FASN: variants seen among roughly 807,000 people sequenced by gnomAD.
FASN encodes the protein 3-hydroxyacyl-[acyl-carrier-protein] dehydratase.
In FASN, 50 loss-of-function variants were observed where a neutral mutation model predicts 250.0. The ratio of observed to expected loss-of-function variants is 0.20; its 90% CI spans 0.16 to 0.25. The LOEUF is 0.25. Among genes scored for constraint, FASN ranks in the 10% least tolerant of loss-of-function variants. FASN has a pLI of 1.00. For missense variants in FASN, 3,031 were observed against 3,498.5 expected (o/e 0.87, Z 3.37); for synonymous variants, 1,909 against 1,584.0 (o/e 1.21, Z -4.87).
chr17:82,093,463 C>T (rs775760756), intron 4 of FASN, 44 bp from the exon 5 acceptor site: 21 of 1,580,698 alleles, frequency 1.3e-5, no homozygotes, highest in Non-Finnish European at 1.6e-5. Flanking sequence ...TGTGAGCACA[C>T]GAGACCCCTG....
At chr17:82,090,626 C>T (rs2034188176) in intron 10 of FASN, 62 bp from the exon 11 acceptor site, 13 of 1,467,712 alleles carry the variant, frequency 8.9e-6, no homozygotes, top group Non-Finnish European at 1.2e-5. Flanking sequence ...TGGGGGCGGC[C>T]CCCGGCCCCA....
In FASN at chr17:82,089,393, C is replaced by G. The variant is rs1175851683; in HGVS notation, c.1966-9G>C. 2 of 1,612,648 alleles carry G rather than the reference C, an allele frequency of 1.2e-6. No homozygotes were observed. The highest frequency in any genetic ancestry group is 8.5e-7 in the Non-Finnish European group (1 of 1,179,998). On this transcript the variant is annotated splice_polypyrimidine_tract_variant and intron_variant, in intron 12 of 42. Transcript: ENST00000306749. ...AACTCAAACACCGGGGCCTGGACATCGTGGGAGCCTGGATAAGCATCCTGG... is the reference window on the plus strand; with the variant it reads ...AACTCAAACACCGGGGCCTGGACATGGTGGGAGCCTGGATAAGCATCCTGG...
rs150698814 is a variant in FASN at position 82,085,882 on chromosome 17, T to C, written c.3733-11A>G. ...GTGGCCAGCCAGCACCTGTAGGGGG[T>C]GAATTCTGGAATCAGCCCCACACCA... is the stretch of plus-strand genomic sequence containing the variant. On this transcript the variant is annotated splice_polypyrimidine_tract_variant and intron_variant, in intron 22 of 42. Transcript: ENST00000306749. 2 of 1,524,512 alleles carry C rather than the reference T, an allele frequency of 1.3e-6. No individual in the cohort carries two copies. Among genetic ancestry groups the C allele is most frequent in the Admixed American group, 3.9e-5 (2 of 51,076 alleles). 94.4% of individuals were successfully genotyped at this position (1,524,512 alleles called of 1,614,324 possible).
rs2034061491 is a variant in FASN, at chr17:82,084,877, CCTT to C, written c.4483_4485del (p.Lys1495del). On this transcript the variant is annotated inframe_deletion, in exon 26 of 43. Coordinates refer to ENST00000306749, the MANE Select transcript of FASN (RefSeq NM_004104.5). ...TTCATCACCAGGTCTCCCTGCAACACCTTCTGCAGTTCTGCGGAGCCCGGGTCC... is the reference window on the plus strand; with the variant it reads ...TTCATCACCAGGTCTCCCTGCAACACCTGCAGTTCTGCGGAGCCCGGGTCC... 6.4e-7 allele frequency: 1 copy of C among 1,550,714 alleles called. No individual in the cohort carries two copies.
chr17:82,087,191 C>G lies in FASN; in HGVS notation c.3286G>C (p.Gly1096Arg), dbSNP rs62642478. The G allele has an allele frequency of 1.0e-4, 166 of 1,607,608 alleles. No homozygotes were observed. In the African/African-American group the frequency reaches 2.0e-3, roughly 19 times the overall value. Residue 1096 changes from glycine to arginine, a missense_variant, in exon 21 of 43, where the codon GGG becomes CGG. By Grantham distance (125) the Gly-to-Arg change is moderately radical. Transcript: ENST00000306749. ...CGCGGGGCCGACTCAGTGTGGAGCC[C>G]GGAGATGTGGACGCCTCCGGCCACT... ...VTVAGGVHIS[G>R]LHTESAPRRQ... is the part of the protein sequence containing the mutation.
chr17:82,097,631 C>T (rs1176805620), intron 1 of FASN: 1 of 152,158 alleles, frequency 6.6e-6, no homozygotes, highest in Non-Finnish European at 1.5e-5. Context: ...CCCTTCGCCC[C>T]GGGCGGGGGC....
rs774233186 is a variant in FASN at position 82,080,856 on chromosome 17, G to A, written c.6662C>T (p.Ser2221Phe). 6 of 1,611,578 alleles carry A rather than the reference G, an allele frequency of 3.7e-6. No homozygotes were observed. Among genetic ancestry groups the A allele is most frequent in the Non-Finnish European group, 5.1e-6 (6 of 1,179,620 alleles). ...AQQQTQLNLR[S>F]LLVNPEGPTL... ...GGGGCCCTCCGGGTTCACCAGCAGG[G>A]AGCGCAGGTTCAGCTGAGTCTGCTG... Residue 2221 changes from serine to phenylalanine, a missense_variant, in exon 39 of 43, where the codon TCC becomes TTC. Ser to Phe is a radical substitution (Grantham distance 155). Transcript: ENST00000306749.
Position 82,098,111 on chromosome 17 carries a change from C to G in FASN, c.-8+10G>C, listed in dbSNP as rs2034334826. The G allele has an allele frequency of 1.8e-5, 6 of 338,594 alleles. No individual in the cohort carries two copies. The Admixed American group carries it at 2.4e-4, about 14-fold the overall frequency. 21.0% of individuals were successfully genotyped at this position (338,594 alleles called of 1,614,324 possible). ...ACCCGCGCCCCGGCCCCAGCGCCGG[C>G]TGCTCGTACCTGGTGAGGGCGCGGG... On this transcript the variant is annotated intron_variant, in intron 1 of 42. Transcript: ENST00000306749.
intron 19 of FASN, 41 bp from the exon 20 acceptor site, chr17:82,087,545 C>T (rs2034127414): frequency 1.9e-6 from 3 of 1,608,898 alleles, no homozygotes; most frequent in Non-Finnish European, 8.5e-7. Context: ...ACTCCCAGGT[C>T]CCTGGGGCCA....
At chr17:82,082,286 C>A (rs1292690631) in intron 35 of FASN, 37 bp downstream of exon 35, 2 of 1,609,958 alleles carry the variant, frequency 1.2e-6, no homozygotes, top group Non-Finnish European at 8.5e-7. Flanking sequence ...GAGCCCAGAG[C>A]CCGGCAGAGG....
intron 8 of FASN, among the ~76,000 whole-genome samples, chr17:82,092,141 G>A (rs974037331): frequency 9.9e-5 from 15 of 151,998 alleles, no homozygotes; most frequent in African/African-American, 3.1e-4. Context: ...TGATGGTGCC[G>A]TGGACCCCCC....
intron 1 of FASN, 188 bp from the exon 2 acceptor site, chr17:82,096,640 G>A: frequency 1.3e-6 from 1 of 775,896 alleles, no homozygotes; most frequent in Non-Finnish European, 2.1e-6. Context: ...CTCTCGCTGG[G>A]AGGGGCTGCG....
At chr17:82,081,544 A>C (rs72863323) in intron 37 of FASN, 57 bp downstream of exon 37, 99,380 of 1,606,176 alleles carry the variant, frequency 0.062, 3,477 homozygotes, top group Non-Finnish European at 0.071. Flanking sequence ...GCTATGTCCC[A>C]AGACCCTGAT....
Position 82,079,611 on chromosome 17 carries a change from G to A in FASN, c.7147-3C>T, listed in dbSNP as rs2033952357. On this transcript the variant is annotated splice_region_variant and splice_polypyrimidine_tract_variant and intron_variant, in intron 41 of 42. Transcript: ENST00000306749. ...AGCGGCAGCAGCGCCTCCAGCACCT[G>A]TGGGGTCGGGCTCTGAGCAGGTGCT... The A allele has an allele frequency of 6.3e-7, 1 of 1,599,044 alleles. No individual in the cohort carries two copies. Among genetic ancestry groups the A allele is most frequent in the Non-Finnish European group, 8.5e-7 (1 of 1,179,666 alleles).
chr17:82,085,327 G>A lies in FASN; in HGVS notation c.4198C>T (p.Leu1400Phe), dbSNP rs759803773. The part of the protein sequence containing the change: ...GLKKSFYGST[L>F]FLCRRPTPQD... ...GGGGTGGGCCGGCGGCACAGGAAGA[G>A]CGTGGAGCCGTAGAAGGACTTCTTC... Residue 1400 changes from leucine to phenylalanine, a missense_variant, in exon 24 of 43, where the codon CTC (leucine) becomes TTC (phenylalanine). Physicochemically the swap from Leu to Phe is conservative, Grantham distance 22. Transcript: ENST00000306749. The A allele has an allele frequency of 6.2e-7, 1 of 1,611,444 alleles. No homozygotes were observed. The highest frequency in any genetic ancestry group is 8.5e-7 in the Non-Finnish European group (1 of 1,179,522).
In FASN at chr17:82,092,766, C is replaced by A; in HGVS notation, c.825G>T (p.Ser275=). 6.2e-7 allele frequency: 1 copy of A among 1,605,870 alleles called. No individual in the cohort carries two copies. Among genetic ancestry groups the A allele is most frequent in the Non-Finnish European group, 8.5e-7 (1 of 1,177,684 alleles). Residue 275 remains serine (S), a synonymous_variant, in exon 7 of 43, where the codon TCG becomes TCT. Coordinates refer to ENST00000306749, the MANE Select transcript of FASN (RefSeq NM_004104.5). ...SGDIQEQLIR[S]LYQSAGVAPE... Reference sequence around the variant, plus strand: ...GGGCCACTCCGGCCGACTGGTACAACGAGCGGATGAGCTGCTCCTGGATAT... The same window carrying A: ...GGGCCACTCCGGCCGACTGGTACAAAGAGCGGATGAGCTGCTCCTGGATAT...
chr17:82,078,895 G>A lies in FASN; in HGVS notation c.*248C>T, dbSNP rs995461637. The A allele has an allele frequency of 1.5e-5, 9 of 593,318 alleles. No homozygotes were observed. Among genetic ancestry groups the A allele is most frequent in the South Asian group, 5.9e-5 (3 of 50,628 alleles). The allele number at this position is 593,318 out of a possible 1,614,324, so 36.8% of individuals were successfully genotyped here. A position where few individuals can be genotyped will look rare whatever the true frequency, so the allele number is the denominator to read the frequency against. On this transcript the variant is annotated 3_prime_UTR_variant, in exon 43 of 43. Transcript: ENST00000306749. The surrounding 1 kb of genome is among the most constrained non-coding windows in gnomAD (Gnocchi z 5.4). Reference sequence around the variant, plus strand: ...GGCCCAGCCCAGTTCCTGCGGGCACGGGCACCACCGGCTCTTCACAGACCA... The same window carrying A: ...GGCCCAGCCCAGTTCCTGCGGGCACAGGCACCACCGGCTCTTCACAGACCA...
Position 82,089,625 on chromosome 17 carries a change from C to T in FASN, c.1965+7G>A, listed in dbSNP as rs895760019. 2 of 1,594,200 alleles carry T rather than the reference C, an allele frequency of 1.3e-6. No individual in the cohort carries two copies. The highest frequency in any genetic ancestry group is 1.7e-6 in the Non-Finnish European group (2 of 1,171,164). On this transcript the variant is annotated splice_region_variant and intron_variant, in intron 12 of 42. Coordinates refer to ENST00000306749, the MANE Select transcript of FASN (RefSeq NM_004104.5). ...ACAGAGGAGCCCGCCCAGGCCGCAG[C>T]ACCCACCTGAGGTCCCGAGATGGTG...
chr17:82,089,680 C>A lies in FASN; in HGVS notation c.1917G>T (p.Val639=), dbSNP rs551118193. 2.5e-6 allele frequency: 4 copies of A among 1,581,568 alleles called. No individual in the cohort carries two copies. The highest frequency in any genetic ancestry group is 4.7e-5 in the East Asian group (2 of 42,864). Residue 639 remains valine (V), a synonymous_variant, in exon 12 of 43, where the codon GTG becomes GTT. Transcript: ENST00000306749. The part of the protein sequence containing the change: ...ECKQRCPPGV[V]PACHNSKDTV... ...TGTCCTTGGAGTTGTGGCAGGCGGG[C>A]ACCACGCCCGGGGGGCAGCGCTGTT...
Sources: gnomAD v4.1 joint callset for allele counts (sites outside exome capture counted in the v4.1 genomes callset) on GRCh38, gnomAD v4.1.1 for gene constraint, Gnocchi (gnomAD v3.1) non-coding constraint, MANE v1.5 for transcripts, NCBI Gene and HGNC (gene_info 2026-07-23, HGNC 2026-07-21) for gene names.